Variants in INPP5F observed in about 807,000 individuals in gnomAD.
INPP5F encodes the protein inositol polyphosphate-5-phosphatase F.
In INPP5F, 97 loss-of-function variants were observed where a neutral mutation model predicts 137.2. That is an observed-to-expected ratio of 0.71 (90% CI 0.60 to 0.84). INPP5F has a LOEUF of 0.84. Among genes scored for constraint, INPP5F ranks in the 40% least tolerant of loss-of-function variants. INPP5F has a pLI of 0.00. For missense variants in INPP5F, 1,271 were observed against 1,371.9 expected, an observed-to-expected ratio of 0.93 and a Z score of 1.16; for synonymous variants, 504 against 476.9, an observed-to-expected ratio of 1.06 and a Z score of -0.74.
chr10:119,799,212 A>G (rs983582133), intron 9 of INPP5F: 4 of 282,996 alleles, frequency 1.4e-5, no homozygotes, highest in African/African-American at 4.6e-5. Flanking sequence ...TACAAGATGA[A>G]TATATAATAG....
intron 8 of INPP5F, among the ~76,000 whole-genome samples, 167 bp from the exon 9 acceptor site, chr10:119,798,376 A>G (rs1399621939): frequency 1.3e-5 from 2 of 152,286 alleles, no homozygotes; most frequent in East Asian, 3.9e-4. Context: ...ACTGGAAAAA[A>G]AATCAGATCT....
At position 119,822,453 on chromosome 10, in the gene INPP5F, G is replaced by A; in HGVS notation, c.1981G>A (p.Val661Ile). 1 of 1,529,462 alleles carries A rather than the reference G, an allele frequency of 6.5e-7. No individual in the cohort carries two copies. Among genetic ancestry groups the A allele is most frequent in the Non-Finnish European group, 9.0e-7 (1 of 1,115,742 alleles). 94.7% of individuals were successfully genotyped at this position (1,529,462 alleles called of 1,614,324 possible). A position where few individuals can be genotyped will look rare whatever the true frequency, so the allele number is the denominator to read the frequency against. ...VAYYDDEVDK[V>I]NQYQRLSLEN... Reference sequence around the variant, plus strand: ...TAGTTATGATGATGAAGTTGATAAAGTAAACCAGTATCAACGACTAAGTCT... The same window carrying A: ...TAGTTATGATGATGAAGTTGATAAAATAAACCAGTATCAACGACTAAGTCT... The change falls in exon 17 of 20, where the codon GTA becomes ATA. Residue 661 changes from valine to isoleucine, a missense_variant. This residue lies in a region of INPP5F where 593 missense variants were observed against 712.4 expected (regional missense o/e 0.83). Transcript: ENST00000650623.
At chr10:119,820,962 C>T in intron 16 of INPP5F, 45 bp downstream of exon 16, 2 of 1,231,992 alleles carry the variant, frequency 1.6e-6, no homozygotes, top group Non-Finnish European at 2.4e-6. Context: ...GTTTTTTAAA[C>T]TTGAGTAAAT....
Position 119,748,024 on chromosome 10 carries a change from C to T in INPP5F, c.98-3052C>T, listed in dbSNP as rs551480952. On this transcript the variant is annotated intron_variant, in intron 1 of 19. Transcript: ENST00000650623. This position sits in a 1 kb window ranked among gnomAD's most constrained non-coding sequence, Gnocchi z 4.7. The stretch of plus-strand genomic sequence containing the variant: ...CCTCGGGTCCACTGGGCTTTTTCCA[C>T]TGTCTTGGCTCGGCAAGCTGTGCTG... 6.6e-6 allele frequency among the ~76,000 whole-genome samples: 1 copy of T among 152,232 alleles called. No homozygotes were observed. Among genetic ancestry groups the T allele is most frequent in the African/African-American group, 2.4e-5 (1 of 41,456 alleles).
chr10:119,807,497 A>G (rs912892407), intron 12 of INPP5F, among the ~76,000 whole-genome samples: 2 of 152,180 alleles, frequency 1.3e-5, no homozygotes, highest in African/African-American at 2.4e-5. Flanking sequence ...TATCAATTAC[A>G]TAGTGGTGTT....
chr10:119,782,767 C>G (rs1236658193), intron 3 of INPP5F, among the ~76,000 whole-genome samples: 2 of 152,162 alleles, frequency 1.3e-5, no homozygotes, highest in East Asian at 1.9e-4. Flanking sequence ...GATCTAGACT[C>G]AGGCTGCCTG....
chr10:119,741,250 C>T (rs1358177248), intron 1 of INPP5F, among the ~76,000 whole-genome samples: 8 of 152,176 alleles, frequency 5.3e-5, no homozygotes. Context: ...GGCTTCAGGC[C>T]CCTTCATGTT....
intron 1 of INPP5F, among the ~76,000 whole-genome samples, chr10:119,741,704 T>C (rs1848380911): frequency 1.3e-5 from 2 of 151,874 alleles, no homozygotes. Context: ...CTGGCTAATT[T>C]TTGTATTTTT....
intron 1 of INPP5F, among the ~76,000 whole-genome samples, chr10:119,739,511 A>G (rs1050073490): frequency 1.3e-5 from 2 of 152,230 alleles, no homozygotes; most frequent in African/African-American, 4.8e-5. Flanking sequence ...AATTTTGTTC[A>G]ATAACTATTG....
At chr10:119,790,179 A>C (rs1381377289) in intron 3 of INPP5F, among the ~76,000 whole-genome samples, 1 of 151,858 alleles carries the variant, frequency 6.6e-6, no homozygotes, top group African/African-American at 2.4e-5. Context: ...TGCAGAGGAG[A>C]GGAGCGGAGG....
At position 119,726,379 on chromosome 10, in the gene INPP5F, CGGG is replaced by C; in HGVS notation, c.97+24_97+26del. 2 of 1,271,466 alleles carry C rather than the reference CGGG, an allele frequency of 1.6e-6. No homozygotes were observed. The highest frequency in any genetic ancestry group is 2.0e-6 in the Non-Finnish European group (2 of 1,000,872). The allele number at this position is 1,271,466 out of a possible 1,614,324, so 78.8% of individuals were successfully genotyped here. On this transcript the variant is annotated intron_variant, in intron 1 of 19. Transcript: ENST00000650623. ...GACCCGGTGAGGCTGGCGGTGCGGG[CGGG>C]GGGCACCCCGGGCCAGGGCGGGGAG...
At chr10:119,775,034 A>G (rs371521157) in intron 2 of INPP5F, among the ~76,000 whole-genome samples, 12 of 152,254 alleles carry the variant, frequency 7.9e-5, no homozygotes, top group South Asian at 4.1e-4. Flanking sequence ...TTGTAAGGAA[A>G]TAGATATCTA....
chr10:119,808,292 G>A (rs376691655), intron 13 of INPP5F, among the ~76,000 whole-genome samples: 65 of 152,328 alleles, frequency 4.3e-4, no homozygotes, highest in African/African-American at 1.5e-3. Context: ...TCTCTCTGGA[G>A]GGGCCTATGT....
chr10:119,755,361 C>G (rs1470808480), intron 2 of INPP5F, among the ~76,000 whole-genome samples: 1 of 152,202 alleles, frequency 6.6e-6, no homozygotes, highest in African/African-American at 2.4e-5. Context: ...ACGTGGTCTT[C>G]CCTCTGTAAC....
intron 7 of INPP5F, 45 bp from the exon 8 acceptor site, chr10:119,797,416 A>G: frequency 1.4e-6 from 2 of 1,445,318 alleles, no homozygotes; most frequent in East Asian, 4.9e-5. Flanking sequence ...CAGACTAAAT[A>G]AATTTTTTAA....
intron 3 of INPP5F, among the ~76,000 whole-genome samples, chr10:119,783,921 A>G (rs1405596597): frequency 6.6e-6 from 1 of 152,182 alleles, no homozygotes; most frequent in African/African-American, 2.4e-5. Flanking sequence ...AACTACAGAG[A>G]AAGTATTTCC....
At chr10:119,755,058 T>C (rs779248394) in intron 2 of INPP5F, among the ~76,000 whole-genome samples, 1 of 152,198 alleles carries the variant, frequency 6.6e-6, no homozygotes. Context: ...GGAACATAAA[T>C]TTATTTGAAC....
chr10:119,749,250 G>T (rs192047327), intron 1 of INPP5F, among the ~76,000 whole-genome samples: 5 of 152,326 alleles, frequency 3.3e-5, no homozygotes, highest in African/African-American at 1.2e-4. Context: ...CTGCAGCTGT[G>T]CCAGGAGCCC....
Position 119,828,464 on chromosome 10 carries a change from A to C in INPP5F, c.*684A>C, listed in dbSNP as rs992102206. On this transcript the variant is annotated 3_prime_UTR_variant, in exon 20 of 20. Transcript: ENST00000650623. Reference sequence around the variant, plus strand: ...TCAGAGGTGAATACCAGCACCTATTAGGTTTCATTTTGCTGTTTTCAGGAA... The same window carrying C: ...TCAGAGGTGAATACCAGCACCTATTCGGTTTCATTTTGCTGTTTTCAGGAA... The C allele has an allele frequency of 6.6e-6, 1 of 152,138 alleles. No individual in the cohort carries two copies. Among genetic ancestry groups the C allele is most frequent in the Non-Finnish European group, 1.5e-5 (1 of 68,022 alleles). The allele number at this position is 152,138 out of a possible 1,614,324, so 9.4% of individuals were successfully genotyped here.
Sources: gnomAD v4.1 joint callset for allele counts (sites outside exome capture counted in the v4.1 genomes callset) on GRCh38, gnomAD v4.1.1 for gene constraint, gnomAD v4.1.1 regional missense constraint, Gnocchi (gnomAD v3.1) non-coding constraint, MANE v1.5 for transcripts, NCBI Gene and HGNC (gene_info 2026-07-23, HGNC 2026-07-21) for gene names.